AGK: variants seen among roughly 807,000 people sequenced by gnomAD.
AGK encodes acylglycerol kinase.
In AGK, 52 loss-of-function variants were observed where a neutral mutation model predicts 66.4. The ratio of observed to expected loss-of-function variants is 0.78; its 90% CI spans 0.63 to 0.99. The LOEUF is 0.99. Among genes scored for constraint, AGK ranks in the 50% least tolerant of loss-of-function variants. The pLI, the probability that AGK is intolerant of heterozygous loss-of-function variation, is 0.00. For synonymous variants in AGK, 182 were observed against 181.1 expected (o/e 1.00, Z -0.04); for missense variants, 451 against 506.6 (o/e 0.89, Z 1.05).
intron 7 of AGK, 103 bp downstream of exon 7, chr7:141,614,281 G>T: frequency 1.2e-6 from 1 of 810,932 alleles, no homozygotes. Context: ...TTTAAAACGG[G>T]TACAAATTGT....
Position 141,613,534 on chromosome 7 carries a change from G to A in AGK, c.391-612G>A, listed in dbSNP as rs147250763. 6.6e-3 allele frequency among the ~76,000 whole-genome samples: 1,010 copies of A among 152,262 alleles called. 11 individuals carry two copies. The highest frequency in any genetic ancestry group is 0.024 in the African/African-American group (977 of 41,558). On this transcript the variant is annotated intron_variant, in intron 6 of 15. Coordinates refer to ENST00000649286, the MANE Select transcript of AGK (RefSeq NM_018238.4). ...CTTGGGAGGCTGAGGCAGGAGAATC[G>A]CTTGAACCTGGGAAGCAGAGGTTGC...
chr7:141,569,829 C>T (rs113873543), intron 2 of AGK, among the ~76,000 whole-genome samples: 4,907 of 152,086 alleles, frequency 0.032, 275 homozygotes, highest in African/African-American at 0.11. Context: ...GTCTTAGGAG[C>T]GTGAGAGAGA....
chr7:141,593,050 G>C (rs923427141), intron 2 of AGK, 96 bp from the exon 3 acceptor site: 15 of 999,096 alleles, frequency 1.5e-5, no homozygotes, highest in African/African-American at 3.2e-5. Context: ...TTTTAGAGAA[G>C]AGGTGCCTAT....
At chr7:141,557,821 C>T (rs542588345) in intron 2 of AGK, among the ~76,000 whole-genome samples, 1 of 152,278 alleles carries the variant, frequency 6.6e-6, no homozygotes, top group Non-Finnish European at 1.5e-5. Flanking sequence ...TGATTTGGTA[C>T]TATTTAGCCT....
At chr7:141,632,094 G>A (rs1294274220) in intron 9 of AGK, among the ~76,000 whole-genome samples, 1 of 152,064 alleles carries the variant, frequency 6.6e-6, no homozygotes, top group Non-Finnish European at 1.5e-5. Context: ...AGCTGGGCGT[G>A]GTGGCGTGCA....
At chr7:141,602,475 C>T (rs992792960) in intron 5 of AGK, among the ~76,000 whole-genome samples, 5 of 151,990 alleles carry the variant, frequency 3.3e-5, no homozygotes, top group African/African-American at 1.2e-4. Context: ...AATTAATTGA[C>T]ATCAGGTTGT....
chr7:141,651,060 G>T (rs902985056), intron 14 of AGK, among the ~76,000 whole-genome samples: 1 of 152,148 alleles, frequency 6.6e-6, no homozygotes, highest in Non-Finnish European at 1.5e-5. Flanking sequence ...GATAGGAAGG[G>T]TTATCAGAGA....
chr7:141,592,844 C>T (rs1375329058), intron 2 of AGK, among the ~76,000 whole-genome samples: 3 of 152,058 alleles, frequency 2.0e-5, no homozygotes, highest in Non-Finnish European at 4.4e-5. Context: ...GTTGGGATTA[C>T]AGGCACCCAC....
intron 5 of AGK, 85 bp downstream of exon 5, chr7:141,601,365 C>A: frequency 9.3e-7 from 1 of 1,075,250 alleles, no homozygotes; most frequent in Non-Finnish European, 1.4e-6. Flanking sequence ...GCAAAAATTG[C>A]TTGTCACAAG....
Position 141,654,741 on chromosome 7 carries a change from A to G in AGK, c.*1817A>G, listed in dbSNP as rs1440052841. 2 of 152,670 alleles carry G rather than the reference A, an allele frequency of 1.3e-5. 1 individual carries two copies. The highest frequency in any genetic ancestry group is 2.9e-5 in the Non-Finnish European group (2 of 68,292). The allele number at this position is 152,670 out of a possible 1,614,324, so 9.5% of individuals were successfully genotyped here. A position where few individuals can be genotyped will look rare whatever the true frequency, so the allele number is the denominator to read the frequency against. On this transcript the variant is annotated 3_prime_UTR_variant, in exon 16 of 16. Transcript: ENST00000649286. ...GAAGCAGAGCTGGCAGGCCTTAGCTACAGGCTCTCTCTCAGGCAGATCCCT... is the reference window on the plus strand; with the variant it reads ...GAAGCAGAGCTGGCAGGCCTTAGCTGCAGGCTCTCTCTCAGGCAGATCCCT...
intron 1 of AGK, among the ~76,000 whole-genome samples, chr7:141,551,956 AACCGCACT>A (rs1795099566): frequency 6.6e-6 from 1 of 152,106 alleles, no homozygotes; most frequent in African/African-American, 2.4e-5. Context: ...GTATCTCCTA[AACCGCACT>A]ACTTTTCTCC....
At chr7:141,556,566 G>A (rs950313927) in intron 2 of AGK, among the ~76,000 whole-genome samples, 1 of 151,684 alleles carries the variant, frequency 6.6e-6, no homozygotes, top group African/African-American at 2.4e-5. Context: ...AATAAAGAAT[G>A]GGAGGCATGT....
intron 2 of AGK, among the ~76,000 whole-genome samples, chr7:141,592,923 C>T (rs1404945443): frequency 4.0e-5 from 6 of 151,782 alleles, no homozygotes; most frequent in South Asian, 2.1e-4. Flanking sequence ...AGGCTGGTCT[C>T]GAACTCCTGA....
chr7:141,604,714 G>A lies in AGK; in HGVS notation c.297+3434G>A, dbSNP rs1796420899. Among the ~76,000 whole-genome samples, 2 of 150,832 alleles carry A rather than the reference G, an allele frequency of 1.3e-5. 1 individual carries two copies. Among genetic ancestry groups the A allele is most frequent in the South Asian group, 4.2e-4 (2 of 4,756 alleles). On this transcript the variant is annotated intron_variant, in intron 5 of 15. Coordinates refer to ENST00000649286, the MANE Select transcript of AGK (RefSeq NM_018238.4). ...TTCTCCTGCCTCAGCCTCCTGAGTA[G>A]CTAGGATTACAGGTGCGTGCCACCA...
intron 11 of AGK, 47 bp from the exon 12 acceptor site, chr7:141,641,201 T>A: frequency 6.4e-7 from 1 of 1,553,666 alleles, no homozygotes; most frequent in Non-Finnish European, 8.7e-7. Flanking sequence ...ACTCCCAGAG[T>A]GGAATTGTAC....
chr7:141,567,537 C>T (rs1337163634), intron 2 of AGK, among the ~76,000 whole-genome samples: 4 of 152,100 alleles, frequency 2.6e-5, no homozygotes, highest in Non-Finnish European at 4.4e-5. Context: ...ATAATTTCCC[C>T]TCAGCAGGTT....
intron 2 of AGK, among the ~76,000 whole-genome samples, chr7:141,592,666 A>C (rs1759070792): frequency 6.6e-6 from 1 of 152,112 alleles, no homozygotes; most frequent in Admixed American, 6.5e-5. Context: ...TGTATTTTTC[A>C]AATGTGATGA....
chr7:141,601,639 TA>T (rs1796343175), intron 5 of AGK, among the ~76,000 whole-genome samples: 1 of 152,194 alleles, frequency 6.6e-6, no homozygotes, highest in African/African-American at 2.4e-5. Flanking sequence ...CACAAACAGG[TA>T]AACCATTTTC....
intron 2 of AGK, among the ~76,000 whole-genome samples, chr7:141,584,391 C>T (rs1226954107): frequency 1.3e-3 from 194 of 152,268 alleles, no homozygotes; most frequent in Non-Finnish European, 2.5e-3. Context: ...GACGCATATA[C>T]ATGCAGGTCA....
Sources: gnomAD v4.1 joint callset for allele counts (sites outside exome capture counted in the v4.1 genomes callset) on GRCh38, gnomAD v4.1.1 for gene constraint, MANE v1.5 for transcripts, NCBI Gene and HGNC (gene_info 2026-07-23, HGNC 2026-07-21) for gene names.